Variants in TPM3 observed in about 807,000 individuals in gnomAD.
The protein encoded by TPM3 is tropomyosin 3.
Under a neutral mutation model 43.1 loss-of-function variants are expected in TPM3, and 16 were observed. The observed-to-expected ratio is 0.37, with a 90% CI of 0.25 to 0.56. TPM3 has a LOEUF of 0.56. Among genes scored for constraint, TPM3 ranks in the 20% least tolerant of loss-of-function variants. TPM3 has a pLI of 0.77. For synonymous variants in TPM3, 101 were observed against 116.9 expected (o/e 0.86, Z 0.88); for missense variants, 176 against 337.2 (o/e 0.52, Z 3.74).
In TPM3 at chr1:154,164,134, A is replaced by G. The variant is rs1424638427; in HGVS notation, c.*3803T>C. Among the ~76,000 whole-genome samples, 1 of 151,758 alleles carries G rather than the reference A, an allele frequency of 6.6e-6. No homozygotes were observed. The highest frequency in any genetic ancestry group is 1.5e-5 in the Non-Finnish European group (1 of 67,940). ...CCCCAGCTCCCCAAACCAGGACAAC[A>G]TGATCTCCCTACATCTTTAACCCCA... is the stretch of plus-strand genomic sequence containing the variant. On this transcript the variant is annotated 3_prime_UTR_variant, in exon 10 of 10. Coordinates refer to ENST00000651641, the MANE Select transcript of TPM3 (RefSeq NM_152263.4).
Position 154,166,474 on chromosome 1 carries a change from C to A in TPM3, c.*1463G>T. ...CATAGCACACTACAGTGCAGAACTC[C>A]TGGGCTCAAGCAATCCTCCTGCCTC... On this transcript the variant is annotated 3_prime_UTR_variant, in exon 10 of 10. Coordinates refer to ENST00000651641, the MANE Select transcript of TPM3 (RefSeq NM_152263.4). The A allele has an allele frequency of 1.0e-6, 1 of 997,004 alleles. No homozygotes were observed. The highest frequency in any genetic ancestry group is 1.2e-6 in the Non-Finnish European group (1 of 819,124). 61.8% of individuals were successfully genotyped at this position (997,004 alleles called of 1,614,324 possible).
At chr1:154,181,785 G>A (rs1465844457) in intron 2 of TPM3, among the ~76,000 whole-genome samples, 1 of 152,110 alleles carries the variant, frequency 6.6e-6, no homozygotes, top group African/African-American at 2.4e-5. Context: ...GCCAGACTTG[G>A]TGGCGGGCAC....
At chr1:154,172,539 T>A (rs1661717375) in intron 5 of TPM3, 1 of 477,494 alleles carries the variant, frequency 2.1e-6, no homozygotes, top group Non-Finnish European at 4.1e-6. Context: ...ACTACAGGTT[T>A]GAGCCACCAC....
At chr1:154,189,575 C>T (rs1390254265) in intron 2 of TPM3, among the ~76,000 whole-genome samples, 1 of 152,052 alleles carries the variant, frequency 6.6e-6, no homozygotes, top group Non-Finnish European at 1.5e-5. Flanking sequence ...AGGCGGATCA[C>T]CTGAGGTCAG....
chr1:154,174,385 T>TATATATATATATATATATATATATAC (rs1662013729), intron 3 of TPM3, among the ~76,000 whole-genome samples: 1 of 94,328 alleles, frequency 1.1e-5, no homozygotes, highest in Non-Finnish European at 2.0e-5. Flanking sequence ...TATATATATA[T>TATATATATATATATATATATATATAC]ATATATATAT....
In TPM3 at chr1:154,166,497, C is replaced by T. The variant is rs1660979024; in HGVS notation, c.*1440G>A. 3 of 1,044,246 alleles carry T rather than the reference C, an allele frequency of 2.9e-6. No homozygotes were observed. In the East Asian group the frequency reaches 1.6e-4, roughly 54 times the overall value. The allele number at this position is 1,044,246 out of a possible 1,614,324, so 64.7% of individuals were successfully genotyped here. On this transcript the variant is annotated 3_prime_UTR_variant, in exon 10 of 10. Coordinates refer to ENST00000651641, the MANE Select transcript of TPM3 (RefSeq NM_152263.4). ...TCCTGGGCTCAAGCAATCCTCCTGC[C>T]TCAGCCTCCCAAGAAGCTACAGGCA...
Position 154,191,312 on chromosome 1 carries a change from CTA to C in TPM3, c.118-3_118-2del, listed in dbSNP as rs772808237. The C allele has an allele frequency of 2.5e-6, 4 of 1,613,876 alleles. No individual in the cohort carries two copies. The highest frequency in any genetic ancestry group is 3.4e-6 in the Non-Finnish European group (4 of 1,180,036). ...GCATGGCTGCCAGCTCATCCTCCAG[CTA>C]TAGGAGCCCAGAGAGTCACACACAA... On this transcript the variant is annotated splice_acceptor_variant and splice_polypyrimidine_tract_variant and intron_variant, in intron 1 of 9. Coordinates refer to ENST00000651641, the MANE Select transcript of TPM3 (RefSeq NM_152263.4). LOFTEE classifies it high-confidence loss of function.
rs1261530479 is a variant in TPM3 at position 154,166,680 on chromosome 1, T to C, written c.*1257A>G. On this transcript the variant is annotated 3_prime_UTR_variant, in exon 10 of 10. Transcript: ENST00000651641. ...GAAATCTCTGCTGTGTAAATTGGAATGCGAATTCCTTTTTTTTTTTTGAGA... is the reference window on the plus strand; with the variant it reads ...GAAATCTCTGCTGTGTAAATTGGAACGCGAATTCCTTTTTTTTTTTTGAGA... 3 of 1,011,934 alleles carry C rather than the reference T, an allele frequency of 3.0e-6. No individual in the cohort carries two copies. The highest frequency in any genetic ancestry group is 3.5e-6 in the Non-Finnish European group (3 of 851,532). The allele number at this position is 1,011,934 out of a possible 1,614,324, so 62.7% of individuals were successfully genotyped here.
chr1:154,183,192 T>G, intron 2 of TPM3: 2 of 1,590,800 alleles, frequency 1.3e-6, no homozygotes, highest in Non-Finnish European at 8.5e-7. Flanking sequence ...CCTCTCACCC[T>G]TACTTCCGCC....
At chr1:154,191,734 C>A in intron 1 of TPM3, 168 bp downstream of exon 1, 1 of 1,569,784 alleles carries the variant, frequency 6.4e-7, no homozygotes, top group Non-Finnish European at 8.6e-7. Flanking sequence ...CAAAGGCAGT[C>A]TGAGACAGAT....
rs749321028 is a variant in TPM3, at chr1:154,166,333, T to C, written c.*1604A>G. ...CCCACTACTGATCAGCACAGGAATTTTGACCTGCTCCATTTCCGACCTGGG... is the reference window on the plus strand; with the variant it reads ...CCCACTACTGATCAGCACAGGAATTCTGACCTGCTCCATTTCCGACCTGGG... On this transcript the variant is annotated 3_prime_UTR_variant, in exon 10 of 10. Transcript: ENST00000651641. 2 of 233,060 alleles carry C rather than the reference T, an allele frequency of 8.6e-6. No homozygotes were observed. The highest frequency in any genetic ancestry group is 4.4e-5 in the African/African-American group (2 of 45,150). The allele number at this position is 233,060 out of a possible 1,614,324, so 14.4% of individuals were successfully genotyped here. A position where few individuals can be genotyped will look rare whatever the true frequency, so the allele number is the denominator to read the frequency against.
At chr1:154,189,842 C>T (rs1299221488) in intron 2 of TPM3, among the ~76,000 whole-genome samples, 2 of 151,014 alleles carry the variant, frequency 1.3e-5, no homozygotes, top group South Asian at 2.1e-4. Flanking sequence ...GGAAAGAAAC[C>T]GGATGGCAGA....
downstream of TPM3, among the ~76,000 whole-genome samples, chr1:154,158,356 A>T (rs2148186009): frequency 6.6e-6 from 1 of 152,334 alleles, no homozygotes; most frequent in South Asian, 2.1e-4. Context: ...AAATTAACAT[A>T]AAACCAGAAA....
intron 9 of TPM3, 52 bp downstream of exon 9, chr1:154,169,253 C>T (rs1211868054): frequency 2.6e-6 from 4 of 1,557,170 alleles, no homozygotes; most frequent in East Asian, 2.2e-5. Context: ...GCTTGTACCC[C>T]CATCCACCCA....
Position 154,164,957 on chromosome 1 carries a change from C to T in TPM3, c.*2980G>A, listed in dbSNP as rs770813907. On this transcript the variant is annotated 3_prime_UTR_variant, in exon 10 of 10. Transcript: ENST00000651641. ...ATCTCCAGTGGCATCCCCATTAACTCCAAGTAAAATTATAACTCCTCAGCC... is the reference window on the plus strand; with the variant it reads ...ATCTCCAGTGGCATCCCCATTAACTTCAAGTAAAATTATAACTCCTCAGCC... Among the ~76,000 whole-genome samples, 1 of 152,184 alleles carries T rather than the reference C, an allele frequency of 6.6e-6. No homozygotes were observed. The highest frequency in any genetic ancestry group is 6.5e-5 in the Admixed American group (1 of 15,274).
Position 154,173,298 on chromosome 1 carries a change from C to T in TPM3, c.378-97G>A, listed in dbSNP as rs369061301. The T allele has an allele frequency of 2.3e-4, 219 of 953,660 alleles. No homozygotes were observed. In the East Asian group the frequency reaches 4.8e-3, roughly 21 times the overall value. The allele number at this position is 953,660 out of a possible 1,614,324, so 59.1% of individuals were successfully genotyped here. A position where few individuals can be genotyped will look rare whatever the true frequency, so the allele number is the denominator to read the frequency against. ...AGAACTGTACTTTTAAAAGCCCACTCCTCTCTGTCTGCCCCTCAAATGGAA... is the reference window on the plus strand; with the variant it reads ...AGAACTGTACTTTTAAAAGCCCACTTCTCTCTGTCTGCCCCTCAAATGGAA... On this transcript the variant is annotated intron_variant, in intron 3 of 9. Transcript: ENST00000651641.
At chr1:154,156,883 C>T (rs911356292), downstream of TPM3, 28 of 196,062 alleles carry the variant, frequency 1.4e-4, no homozygotes, top group African/African-American at 6.0e-4. Context: ...TAAGTGGTCA[C>T]CTCAACATAA....
Position 154,166,477 on chromosome 1 carries a change from G to C in TPM3, c.*1460C>G, listed in dbSNP as rs905253208. The C allele has an allele frequency of 8.0e-6, 8 of 1,002,676 alleles. No homozygotes were observed. The East Asian group carries it at 4.2e-4, about 53-fold the overall frequency. The allele number at this position is 1,002,676 out of a possible 1,614,324, so 62.1% of individuals were successfully genotyped here. ...AGCACACTACAGTGCAGAACTCCTG[G>C]GCTCAAGCAATCCTCCTGCCTCAGC... On this transcript the variant is annotated 3_prime_UTR_variant, in exon 10 of 10. Coordinates refer to ENST00000651641, the MANE Select transcript of TPM3 (RefSeq NM_152263.4).
At chr1:154,176,922 T>G (rs928633186) in intron 2 of TPM3, among the ~76,000 whole-genome samples, 1 of 146,448 alleles carries the variant, frequency 6.8e-6, no homozygotes, top group Non-Finnish European at 1.5e-5. Flanking sequence ...GAGGTTGTAC[T>G]GAGCTGAGAT....
Sources: gnomAD v4.1 joint callset for allele counts (sites outside exome capture counted in the v4.1 genomes callset) on GRCh38, gnomAD v4.1.1 for gene constraint, MANE v1.5 for transcripts, NCBI Gene and HGNC (gene_info 2026-07-23, HGNC 2026-07-21) for gene names.